WDR33: variants seen among roughly 807,000 people sequenced by gnomAD.
The protein encoded by WDR33 is WD repeat domain 33.
WDR33 carries 47 observed loss-of-function variants against 164.9 expected under a neutral mutation model. The observed-to-expected ratio is 0.29, with a 90% CI of 0.23 to 0.36. The LOEUF (loss-of-function observed/expected upper bound fraction) is 0.36, where lower values mean the gene tolerates loss of function less well. Among genes scored for constraint, WDR33 ranks in the 10% least tolerant of loss-of-function variants. The pLI is 1.00. For missense variants in WDR33, 1,137 were observed against 1,754.1 expected (o/e 0.65, Z 6.28); for synonymous variants, 505 against 589.0 (o/e 0.86, Z 2.06).
In WDR33 at chr2:127,709,040, C is replaced by T; in HGVS notation, c.3566-148G>A. ...GAGGCCAAAGGGTAAGCCACCCAGACATCAGGGTGCCTCCTCATGTAAGAG... is the reference window on the plus strand; with the variant it reads ...GAGGCCAAAGGGTAAGCCACCCAGATATCAGGGTGCCTCCTCATGTAAGAG... On this transcript the variant is annotated intron_variant, in intron 20 of 21. Transcript: ENST00000322313. The surrounding 1 kb of genome is among the most constrained non-coding windows in gnomAD (Gnocchi z 5.0). 2 of 763,708 alleles carry T rather than the reference C, an allele frequency of 2.6e-6. No individual in the cohort carries two copies. Among genetic ancestry groups the T allele is most frequent in the Non-Finnish European group, 3.9e-6 (2 of 510,898 alleles). The allele number at this position is 763,708 out of a possible 1,614,324, so 47.3% of individuals were successfully genotyped here. A position where few individuals can be genotyped will look rare whatever the true frequency, so the allele number is the denominator to read the frequency against.
At position 127,701,702 on chromosome 2, in the gene WDR33, G is replaced by C. The variant is rs565236306; in HGVS notation, c.*4621C>G. ...GCTGGACGTGGGCGCGGAGCCCTGC[G>C]GAGTCGGCAGCGGCCGGCCTGACGT... On this transcript the variant is annotated 3_prime_UTR_variant, in exon 22 of 22. Coordinates refer to ENST00000322313, the MANE Select transcript of WDR33 (RefSeq NM_018383.5). 2.2e-4 allele frequency: 287 copies of C among 1,323,368 alleles called. No individual in the cohort carries two copies. The highest frequency in any genetic ancestry group is 1.3e-3 in the Admixed American group (32 of 25,236). The allele number at this position is 1,323,368 out of a possible 1,614,324, so 82.0% of individuals were successfully genotyped here.
rs1485078423 is a variant in WDR33 at position 127,735,760 on chromosome 2, A to G, written c.725-8983T>C. ...TTAAGATTTTAAAAAATTAAGAAGC[A>G]TAAGTAATCTGTGCTCTGGTCAAGG... On this transcript the variant is annotated intron_variant, in intron 7 of 21. Transcript: ENST00000322313. The surrounding 1 kb of genome is among the most constrained non-coding windows in gnomAD (Gnocchi z 4.3). 2.0e-6 allele frequency: 2 copies of G among 985,370 alleles called. No individual in the cohort carries two copies. Among genetic ancestry groups the G allele is most frequent in the African/African-American group, 3.5e-5 (2 of 57,258 alleles). 61.0% of individuals were successfully genotyped at this position (985,370 alleles called of 1,614,324 possible).
Position 127,764,756 on chromosome 2 carries a change from C to T in WDR33, c.626+72G>A, listed in dbSNP as rs1687775448. 6.2e-7 allele frequency: 1 copy of T among 1,614,120 alleles called. No homozygotes were observed. Among genetic ancestry groups the T allele is most frequent in the African/African-American group, 1.3e-5 (1 of 75,016 alleles). On this transcript the variant is annotated intron_variant, in intron 6 of 21. Coordinates refer to ENST00000322313, the MANE Select transcript of WDR33 (RefSeq NM_018383.5). This position sits in a 1 kb window ranked among gnomAD's most constrained non-coding sequence, Gnocchi z 6.2. ...CTGACAGAGCCCATGCATCTCTGCA[C>T]CCAGAATACACTTAGAGAATAATTT... is the stretch of plus-strand genomic sequence containing the variant.
intron 21 of WDR33, among the ~76,000 whole-genome samples, chr2:127,707,492 G>A (rs776775799): frequency 6.6e-6 from 1 of 152,226 alleles, no homozygotes; most frequent in Non-Finnish European, 1.5e-5. Flanking sequence ...CACCTGGGCA[G>A]AGTGTCAGCT....
chr2:127,726,805 CTAAT>C lies in WDR33; in HGVS notation c.725-32_725-29del. On this transcript the variant is annotated intron_variant, in intron 7 of 21. Coordinates refer to ENST00000322313, the MANE Select transcript of WDR33 (RefSeq NM_018383.5). The surrounding 1 kb of genome is among the most constrained non-coding windows in gnomAD (Gnocchi z 4.8). ...GTCGGAAACAAGTTAGGATTAAAAC[CTAAT>C]TAGTTACATGCATTTAAAGCAATTT... is the stretch of plus-strand genomic sequence containing the variant. The C allele has an allele frequency of 6.2e-7, 1 of 1,612,484 alleles. No individual in the cohort carries two copies. Among genetic ancestry groups the C allele is most frequent in the Non-Finnish European group, 8.5e-7 (1 of 1,179,352 alleles).
rs190433460 is a variant in WDR33 at position 127,713,475 on chromosome 2, T to C, written c.3308+108A>G. 7 of 1,279,716 alleles carry C rather than the reference T, an allele frequency of 5.5e-6. No individual in the cohort carries two copies. In the East Asian group the frequency reaches 6.9e-5, roughly 13 times the overall value. 79.3% of individuals were successfully genotyped at this position (1,279,716 alleles called of 1,614,324 possible). A position where few individuals can be genotyped will look rare whatever the true frequency, so the allele number is the denominator to read the frequency against. The stretch of plus-strand genomic sequence containing the variant: ...ACTCTACAGAGTGCAGGGCTGGTAA[T>C]TGATATAATTCTCTTTCCTCAAGAA... On this transcript the variant is annotated intron_variant, in intron 18 of 21. Coordinates refer to ENST00000322313, the MANE Select transcript of WDR33 (RefSeq NM_018383.5). This position sits in a 1 kb window ranked among gnomAD's most constrained non-coding sequence, Gnocchi z 6.2.
At chr2:127,734,205 C>T (rs547572263) in intron 7 of WDR33, among the ~76,000 whole-genome samples, 2 of 152,250 alleles carry the variant, frequency 1.3e-5, no homozygotes, top group African/African-American at 2.4e-5. Context: ...GAGTCTTGTT[C>T]GGAATGAAGG....
intron 1 of WDR33, among the ~76,000 whole-genome samples, chr2:127,783,807 T>C (rs1236486205): frequency 6.6e-6 from 1 of 151,858 alleles, no homozygotes; most frequent in Non-Finnish European, 1.5e-5. Flanking sequence ...GGTTTCACCA[T>C]GTTGGTCAGG....
Position 127,724,889 on chromosome 2 carries a change from A to C in WDR33, c.1083T>G (p.Val361=), listed in dbSNP as rs1686528370. Residue 361 remains valine (V), a splice_region_variant and synonymous_variant, in exon 10 of 22, where the codon GTT becomes GTG. Coordinates refer to ENST00000322313, the MANE Select transcript of WDR33 (RefSeq NM_018383.5). This position sits in a 1 kb window ranked among gnomAD's most constrained non-coding sequence, Gnocchi z 4.8. ...GSDGSLLFWH[V]GVEKEVGGME... The stretch of plus-strand genomic sequence containing the variant: ...TTTTTCACATAAATCTTACATACCC[A>C]ACATGCCAGAATAACAAAGAACCAT... The C allele has an allele frequency of 6.2e-7, 1 of 1,614,038 alleles. No individual in the cohort carries two copies. Among genetic ancestry groups the C allele is most frequent in the Non-Finnish European group, 8.5e-7 (1 of 1,180,012 alleles).
Position 127,718,565 on chromosome 2 carries a change from A to C in WDR33, c.2760+700T>G, listed in dbSNP as rs1282232951. ...CACGAGCTCAGCGCATGAGCAATAA[A>C]AATTGGCTAACAAAAACAGAATCCT... On this transcript the variant is annotated intron_variant, in intron 16 of 21. Transcript: ENST00000322313. The surrounding 1 kb of genome is among the most constrained non-coding windows in gnomAD (Gnocchi z 4.4). 6.6e-6 allele frequency among the ~76,000 whole-genome samples: 1 copy of C among 152,202 alleles called. No individual in the cohort carries two copies. The highest frequency in any genetic ancestry group is 2.4e-5 in the African/African-American group (1 of 41,452).
Position 127,764,606 on chromosome 2 carries a change from T to C in WDR33, c.626+222A>G. The stretch of plus-strand genomic sequence containing the variant: ...AGTGCAAAATGCGGCAGACAGTACA[T>C]CTCTAACATATTGCAAAGGCTGATA... On this transcript the variant is annotated intron_variant, in intron 6 of 21. Coordinates refer to ENST00000322313, the MANE Select transcript of WDR33 (RefSeq NM_018383.5). The surrounding 1 kb of genome is among the most constrained non-coding windows in gnomAD (Gnocchi z 6.2). 6.4e-7 allele frequency: 1 copy of C among 1,553,112 alleles called. No individual in the cohort carries two copies. The highest frequency in any genetic ancestry group is 8.7e-7 in the Non-Finnish European group (1 of 1,147,492).
chr2:127,799,968 G>A (rs1378870436), intron 1 of WDR33, among the ~76,000 whole-genome samples: 1 of 152,142 alleles, frequency 6.6e-6, no homozygotes, highest in Non-Finnish European at 1.5e-5. Flanking sequence ...CAAAAAGAGG[G>A]AAAATAAGAA....
intron 1 of WDR33, among the ~76,000 whole-genome samples, chr2:127,804,641 T>A (rs77061427): frequency 0.031 from 4,662 of 152,314 alleles, 104 homozygotes; most frequent in Middle Eastern, 0.044. Flanking sequence ...TAGGAGTTCT[T>A]TGAACTATTC....
intron 4 of WDR33, among the ~76,000 whole-genome samples, chr2:127,767,333 G>A (rs955846862): frequency 3.3e-5 from 5 of 152,012 alleles, no homozygotes; most frequent in Admixed American, 6.6e-5. Context: ...GAAACACAAA[G>A]AAGAAAATGA....
rs1687751035 is a variant in WDR33, at chr2:127,763,930, C to T, written c.627-771G>A. The T allele has an allele frequency of 1.0e-6, 1 of 985,624 alleles. No homozygotes were observed. The highest frequency in any genetic ancestry group is 4.7e-5 in the South Asian group (1 of 21,302). 61.1% of individuals were successfully genotyped at this position (985,624 alleles called of 1,614,324 possible). On this transcript the variant is annotated intron_variant, in intron 6 of 21. Coordinates refer to ENST00000322313, the MANE Select transcript of WDR33 (RefSeq NM_018383.5). The surrounding 1 kb of genome is among the most constrained non-coding windows in gnomAD (Gnocchi z 4.5). ...TGACACTAAGGCAAAATCTACAAAG[C>T]AGAAGCATGTTCATCCAACAATTTC...
chr2:127,787,047 T>G (rs1371173734), intron 1 of WDR33, among the ~76,000 whole-genome samples: 20 of 106,496 alleles, frequency 1.9e-4, no homozygotes, highest in African/African-American at 7.2e-4. Context: ...AGATTAGGGA[T>G]TGGTGATGAC....
intron 7 of WDR33, among the ~76,000 whole-genome samples, chr2:127,733,041 T>C (rs1686749407): frequency 6.6e-6 from 1 of 152,106 alleles, no homozygotes. Context: ...TAATGGAAAA[T>C]TCACCCAGGT....
In WDR33 at chr2:127,726,920, T is replaced by C. The variant is rs1386607662; in HGVS notation, c.725-143A>G. 7.5e-6 allele frequency: 8 copies of C among 1,060,686 alleles called. No homozygotes were observed. The East Asian group carries it at 1.6e-4, about 21-fold the overall frequency. 65.7% of individuals were successfully genotyped at this position (1,060,686 alleles called of 1,614,324 possible). A position where few individuals can be genotyped will look rare whatever the true frequency, so the allele number is the denominator to read the frequency against. On this transcript the variant is annotated intron_variant, in intron 7 of 21. Transcript: ENST00000322313. The surrounding 1 kb of genome is among the most constrained non-coding windows in gnomAD (Gnocchi z 4.8). The stretch of plus-strand genomic sequence containing the variant: ...TGTTTTGTGAAGACTCTTTGGCCTC[T>C]GTGTGTCTGGAAATTTTTCAGATAC...
At chr2:127,781,870 C>T (rs1028711282) in intron 1 of WDR33, among the ~76,000 whole-genome samples, 19 of 151,892 alleles carry the variant, frequency 1.3e-4, no homozygotes, top group African/African-American at 4.1e-4. Flanking sequence ...TGGTGGCACA[C>T]GCCTGTAATC....
Sources: gnomAD v4.1 joint callset for allele counts (sites outside exome capture counted in the v4.1 genomes callset) on GRCh38, gnomAD v4.1.1 for gene constraint, Gnocchi (gnomAD v3.1) non-coding constraint, MANE v1.5 for transcripts, NCBI Gene and HGNC (gene_info 2026-07-23, HGNC 2026-07-21) for gene names.